Variants in PTCD3 observed in about 807,000 individuals in gnomAD.
The protein encoded by PTCD3 is small ribosomal subunit protein mS39.
Under a neutral mutation model 101.9 loss-of-function variants are expected in PTCD3, and 89 were observed. That is an observed-to-expected ratio of 0.87 (90% confidence interval 0.74 to 1.04). The LOEUF (loss-of-function observed/expected upper bound fraction) is 1.04, where lower values mean the gene tolerates loss of function less well. PTCD3 is among the 50% of genes least tolerant of loss of function. The probability of loss-of-function intolerance (pLI) is 0.00; values close to 1 mark genes in which losing one functional copy is unlikely to be tolerated. For synonymous variants in PTCD3, 296 were observed against 278.5 expected (o/e 1.06, Z -0.63); for missense variants, 870 against 828.2 (o/e 1.05, Z -0.62).
At chr2:86,111,081 G>A (rs1674073297) in intron 3 of PTCD3, 32 bp from the exon 4 acceptor site, 3 of 1,598,834 alleles carry the variant, frequency 1.9e-6, no homozygotes, top group Non-Finnish European at 2.6e-6. Context: ...GAAGAGCCCT[G>A]ATGAGGATTA....
intron 8 of PTCD3, among the ~76,000 whole-genome samples, chr2:86,123,261 TAAA>T (rs3077184): frequency 2.1e-4 from 30 of 142,000 alleles, no homozygotes; most frequent in Non-Finnish European, 2.0e-4. Context: ...GACTCTGTCT[TAAA>T]AAAAAAAAAA....
intron 8 of PTCD3, among the ~76,000 whole-genome samples, 160 bp from the exon 9 acceptor site, chr2:86,123,539 GTA>G (rs1674332354): frequency 6.6e-6 from 1 of 152,188 alleles, no homozygotes; most frequent in Non-Finnish European, 1.5e-5. Context: ...GAAATTAACT[GTA>G]TAGGTGTAAG....
rs1674694573 is a variant in PTCD3 at position 86,141,994 on chromosome 2, AATACAGGCCTGGCC to A, written c.*4437_*4450del. ...AAGATTTTTAAGCACGAGGAAGGAAAATACAGGCCTGGCCAAGCAGGGTCCCCTTTTCGGTATCA... is the reference window on the plus strand; with the variant it reads ...AAGATTTTTAAGCACGAGGAAGGAAAAAGCAGGGTCCCCTTTTCGGTATCA... On this transcript the variant is annotated 3_prime_UTR_variant, in exon 24 of 24. Coordinates refer to ENST00000254630, the MANE Select transcript of PTCD3 (RefSeq NM_017952.6). 1 of 152,200 alleles carries A rather than the reference AATACAGGCCTGGCC, an allele frequency of 6.6e-6. No individual in the cohort carries two copies. Among genetic ancestry groups the A allele is most frequent in the Admixed American group, 6.5e-5 (1 of 15,276 alleles). The allele number at this position is 152,200 out of a possible 1,614,324, so 9.4% of individuals were successfully genotyped here.
intron 20 of PTCD3, 152 bp from the exon 21 acceptor site, chr2:86,134,687 C>T (rs759069011): frequency 1.2e-4 from 108 of 905,914 alleles, no homozygotes; most frequent in Middle Eastern, 3.5e-4. Context: ...AGGACAGGGT[C>T]CTTTTTTTAT....
intron 8 of PTCD3, among the ~76,000 whole-genome samples, chr2:86,122,077 G>A (rs971799205): frequency 1.3e-5 from 2 of 152,114 alleles, no homozygotes; most frequent in East Asian, 1.9e-4. Context: ...AAATCCTTTG[G>A]ATCAGTCAAA....
chr2:86,115,600 C>T (rs529728516), intron 4 of PTCD3, among the ~76,000 whole-genome samples: 1 of 152,144 alleles, frequency 6.6e-6, no homozygotes, highest in Admixed American at 6.5e-5. Context: ...GCTTCTGTGC[C>T]CCCTCCCTGA....
At chr2:86,111,536 A>G (rs1259086832) in intron 4 of PTCD3, among the ~76,000 whole-genome samples, 3 of 151,566 alleles carry the variant, frequency 2.0e-5, no homozygotes, top group African/African-American at 7.3e-5. Context: ...TGCAGTGAGG[A>G]GAGATCGCGC....
intron 16 of PTCD3, among the ~76,000 whole-genome samples, chr2:86,131,749 T>C (rs1201481136): frequency 6.6e-6 from 1 of 152,260 alleles, no homozygotes; most frequent in African/African-American, 2.4e-5. Flanking sequence ...ATTGCTTTAC[T>C]ATTAGATTGG....
At chr2:86,128,035 C>T in intron 14 of PTCD3, 44 bp downstream of exon 14, 1 of 1,443,424 alleles carries the variant, frequency 6.9e-7, no homozygotes, top group Non-Finnish European at 9.7e-7. Flanking sequence ...AGAAAATTGA[C>T]CAGCTTTCTT....
Position 86,111,098 on chromosome 2 carries a change from G to A in PTCD3, c.195-15G>A. ...AGAGCCCTGATGAGGATTAACTTGT[G>A]GTTCTTATTTTTAGGGATAAAGTAG... On this transcript the variant is annotated splice_polypyrimidine_tract_variant and intron_variant, in intron 3 of 23. Transcript: ENST00000254630. 6.2e-7 allele frequency: 1 copy of A among 1,609,962 alleles called. No homozygotes were observed. Among genetic ancestry groups the A allele is most frequent in the Non-Finnish European group, 8.5e-7 (1 of 1,176,320 alleles).
At chr2:86,134,267 C>T in intron 19 of PTCD3, 25 bp from the exon 20 acceptor site, 2 of 1,521,658 alleles carry the variant, frequency 1.3e-6, no homozygotes, top group East Asian at 2.3e-5. Context: ...ACAATGATCA[C>T]TCCTTGTTCC....
intron 19 of PTCD3, among the ~76,000 whole-genome samples, chr2:86,134,020 A>G (rs1177410953): frequency 6.6e-6 from 1 of 152,200 alleles, no homozygotes; most frequent in South Asian, 2.1e-4. Context: ...CAAATTCCCA[A>G]GTGCTATAAA....
At chr2:86,110,590 G>A (rs1035390503) in intron 3 of PTCD3, among the ~76,000 whole-genome samples, 2 of 152,156 alleles carry the variant, frequency 1.3e-5, no homozygotes, top group African/African-American at 4.8e-5. Flanking sequence ...TTACCATAAC[G>A]TTATATATGG....
chr2:86,137,512 A>G lies in PTCD3; in HGVS notation c.2023A>G (p.Thr675Ala). The G allele has an allele frequency of 6.2e-7, 1 of 1,613,392 alleles. No homozygotes were observed. The part of the protein sequence containing the change: ...NLTALTSDSD[T>A]DSSSDSDSDT... ...AACTGCATTGACCAGTGACAGTGAT[A>G]CTGACAGCAGCAGTGACAGCGACAG... The change falls in exon 24 of 24, where the codon ACT becomes GCT. Residue 675 changes from threonine (T) to alanine (A), a missense_variant. Coordinates refer to ENST00000254630, the MANE Select transcript of PTCD3 (RefSeq NM_017952.6).
chr2:86,137,563 T>G lies in PTCD3; in HGVS notation c.*4T>G. 2 of 1,557,278 alleles carry G rather than the reference T, an allele frequency of 1.3e-6. No individual in the cohort carries two copies. Among genetic ancestry groups the G allele is most frequent in the Non-Finnish European group, 1.7e-6 (2 of 1,156,592 alleles). The stretch of plus-strand genomic sequence containing the variant: ...TGACACCAGTGAAGGCAAATGAAAG[T>G]GGAGATTCAGGAGCAGCAATGGGTC... On this transcript the variant is annotated 3_prime_UTR_variant, in exon 24 of 24. Transcript: ENST00000254630.
chr2:86,137,185 C>T, intron 23 of PTCD3, 45 bp downstream of exon 23: 1 of 1,513,658 alleles, frequency 6.6e-7, no homozygotes, highest in Non-Finnish European at 8.9e-7. Context: ...GGAGACCTTT[C>T]ATCCATCTGC....
At chr2:86,114,289 C>CTTT (rs536484959) in intron 4 of PTCD3, among the ~76,000 whole-genome samples, 1 of 144,046 alleles carries the variant, frequency 6.9e-6, no homozygotes, top group African/African-American at 2.5e-5. Flanking sequence ...TTTTTTCTTT[C>CTTT]TTTTTTTTTT....
chr2:86,119,505 C>T (rs909369097), intron 7 of PTCD3: 2 of 157,972 alleles, frequency 1.3e-5, no homozygotes, highest in African/African-American at 4.8e-5. Context: ...TACATGCACC[C>T]ACCACCACGC....
rs779501913 is a variant in PTCD3, at chr2:86,141,029, CCA to C, written c.*3471_*3472del. 5 of 151,798 alleles carry C rather than the reference CCA, an allele frequency of 3.3e-5. No individual in the cohort carries two copies. The South Asian group carries it at 1.0e-3, about 31-fold the overall frequency. The allele number at this position is 151,798 out of a possible 1,614,324, so 9.4% of individuals were successfully genotyped here. A position where few individuals can be genotyped will look rare whatever the true frequency, so the allele number is the denominator to read the frequency against. ...GATTTAAGATGCTCGAAAAGAGTGT[CCA>C]AGAGGAGTAAAGGTCATGACAGAAT... On this transcript the variant is annotated 3_prime_UTR_variant, in exon 24 of 24. Coordinates refer to ENST00000254630, the MANE Select transcript of PTCD3 (RefSeq NM_017952.6).
Sources: allele counts gnomAD v4.1 joint callset (sites outside exome capture counted in the v4.1 genomes callset), GRCh38; gene constraint gnomAD v4.1.1; transcripts MANE v1.5; gene names NCBI Gene and HGNC (gene_info 2026-07-23, HGNC 2026-07-21).